The following CCSER1 variants were observed in gnomAD, a reference collection of about 807,000 sequenced individuals.
CCSER1 encodes serine-rich coiled-coil domain-containing protein 1.
Under a neutral mutation model 82.0 loss-of-function variants are expected in CCSER1, and 41 were observed. The observed-to-expected ratio is 0.50, with a 90% confidence interval of 0.39 to 0.65. The LOEUF (loss-of-function observed/expected upper bound fraction) is 0.65, where lower values mean the gene tolerates loss of function less well. Among genes scored for constraint, CCSER1 ranks in the 30% least tolerant of loss-of-function variants. The probability of loss-of-function intolerance (pLI) is 0.00; values close to 1 mark genes in which losing one functional copy is unlikely to be tolerated. For synonymous variants in CCSER1, 414 were observed against 383.9 expected, an observed-to-expected ratio of 1.08 and a Z score of -0.92; for missense variants, 1,119 against 1,064.2, an observed-to-expected ratio of 1.05 and a Z score of -0.72.
chr4:90,704,026 G>A (rs1050345862), intron 6 of CCSER1, among the ~76,000 whole-genome samples: 2 of 151,950 alleles, frequency 1.3e-5, no homozygotes, highest in African/African-American at 2.4e-5. Flanking sequence ...ATGATGTTAG[G>A]TGTTTATTTT....
At chr4:91,019,509 C>A (rs916182373) in intron 9 of CCSER1, among the ~76,000 whole-genome samples, 1 of 152,074 alleles carries the variant, frequency 6.6e-6, no homozygotes, top group Non-Finnish European at 1.5e-5. Context: ...ACATTATCAA[C>A]TTTGTGCTTG....
At chr4:90,213,881 G>A (rs1257328674) in intron 1 of CCSER1, among the ~76,000 whole-genome samples, 1 of 152,044 alleles carries the variant, frequency 6.6e-6, no homozygotes. Context: ...AATGAAAATT[G>A]GAGAAAACAG....
rs1033590478 is a variant in CCSER1, at chr4:90,635,856, C to T, written c.1932+7624C>T. 2.0e-5 allele frequency among the ~76,000 whole-genome samples: 3 copies of T among 151,762 alleles called. No homozygotes were observed. In the South Asian group the frequency reaches 6.2e-4, roughly 31 times the overall value. On this transcript the variant is annotated intron_variant, in intron 6 of 10. Coordinates refer to ENST00000509176, the MANE Select transcript of CCSER1 (RefSeq NM_001145065.2). Reference sequence around the variant, plus strand: ...ATTTAATCACTCCACATTGTATACACACATTCAGAGATCACATGCACCCAA... The same window carrying T: ...ATTTAATCACTCCACATTGTATACATACATTCAGAGATCACATGCACCCAA...
At chr4:90,650,659 C>G (rs1728590841) in intron 6 of CCSER1, among the ~76,000 whole-genome samples, 2 of 152,262 alleles carry the variant, frequency 1.3e-5, no homozygotes, top group African/African-American at 4.8e-5. Context: ...TTCTTGGTAT[C>G]AATTTTGCCT....
intron 10 of CCSER1, among the ~76,000 whole-genome samples, chr4:91,232,313 A>G (rs776732613): frequency 6.6e-6 from 1 of 151,902 alleles, no homozygotes; most frequent in Non-Finnish European, 1.5e-5. Context: ...GCGAAAGCTT[A>G]AAAACAATCT....
chr4:90,261,021 T>C (rs946063988), intron 1 of CCSER1, among the ~76,000 whole-genome samples: 1 of 152,196 alleles, frequency 6.6e-6, no homozygotes, highest in Non-Finnish European at 1.5e-5. Context: ...TGGCTAGGTG[T>C]TGGTTTTGTT....
intron 6 of CCSER1, among the ~76,000 whole-genome samples, chr4:90,708,491 G>C (rs778806392): frequency 6.6e-6 from 1 of 152,044 alleles, no homozygotes; most frequent in Non-Finnish European, 1.5e-5. Flanking sequence ...TTCTGGTACC[G>C]GGAATGAGGA....
chr4:91,004,380 A>G (rs1194275764), intron 9 of CCSER1, among the ~76,000 whole-genome samples: 1 of 152,206 alleles, frequency 6.6e-6, no homozygotes, highest in African/African-American at 2.4e-5. Context: ...ACATGAGATC[A>G]TTGCAACTCT....
At chr4:90,941,324 T>C (rs773038709) in intron 9 of CCSER1, among the ~76,000 whole-genome samples, 19 of 152,224 alleles carry the variant, frequency 1.2e-4, no homozygotes, top group African/African-American at 3.1e-4. Flanking sequence ...TTATTACATA[T>C]AGCTATGTTT....
intron 5 of CCSER1, among the ~76,000 whole-genome samples, chr4:90,520,744 A>G (rs879390503): frequency 6.6e-6 from 1 of 152,196 alleles, no homozygotes; most frequent in Non-Finnish European, 1.5e-5. Context: ...AGGAAGGAAG[A>G]AACATGTGAT....
chr4:91,032,302 A>G (rs577710815), intron 9 of CCSER1, among the ~76,000 whole-genome samples: 6 of 152,250 alleles, frequency 3.9e-5, no homozygotes, highest in Admixed American at 2.0e-4. Context: ...TGTCTAACCC[A>G]TCTACATTTT....
chr4:90,145,258 C>A (rs545442788), intron 1 of CCSER1, among the ~76,000 whole-genome samples: 2 of 152,134 alleles, frequency 1.3e-5, no homozygotes, highest in South Asian at 2.1e-4. Context: ...CAAAATACAT[C>A]ATTTTTTATG....
At chr4:91,400,747 C>A (rs938104753) in intron 10 of CCSER1, among the ~76,000 whole-genome samples, 5 of 151,404 alleles carry the variant, frequency 3.3e-5, no homozygotes, top group Non-Finnish European at 7.4e-5. Context: ...AAAGTATCAA[C>A]TGCTTGTAAA....
intron 1 of CCSER1, among the ~76,000 whole-genome samples, chr4:90,205,093 C>T (rs993788626): frequency 6.6e-6 from 1 of 152,170 alleles, no homozygotes; most frequent in Non-Finnish European, 1.5e-5. Context: ...AAATTTTGGG[C>T]TGAGATGATG....
At chr4:91,313,013 G>A (rs897453381) in intron 10 of CCSER1, among the ~76,000 whole-genome samples, 3 of 151,758 alleles carry the variant, frequency 2.0e-5, no homozygotes, top group African/African-American at 7.3e-5. Flanking sequence ...TTTAACATTT[G>A]AAAAATGTAT....
At chr4:91,152,185 T>G (rs1029464614) in intron 10 of CCSER1, among the ~76,000 whole-genome samples, 1 of 152,226 alleles carries the variant, frequency 6.6e-6, no homozygotes, top group Admixed American at 6.5e-5. Context: ...ATATTTAGGA[T>G]AGTTAGCTCT....
chr4:90,358,858 A>G (rs533553425), intron 3 of CCSER1, among the ~76,000 whole-genome samples: 1 of 152,348 alleles, frequency 6.6e-6, no homozygotes, highest in East Asian at 1.9e-4. Context: ...ATCAACAAAT[A>G]TTCATTCATT....
In CCSER1 at chr4:91,538,996, C is replaced by G. The variant is rs930261377; in HGVS notation, c.2218-59576C>G. Among the ~76,000 whole-genome samples, 6 of 152,076 alleles carry G rather than the reference C, an allele frequency of 3.9e-5. No homozygotes were observed. In the East Asian group the frequency reaches 1.2e-3, roughly 29 times the overall value. On this transcript the variant is annotated intron_variant, in intron 10 of 10. Transcript: ENST00000509176. ...TTGTTCTGTCAGCCCAGCTGAATGA[C>G]AGCAGATCAATTTTCTTTCTAAAGG...
intron 10 of CCSER1, among the ~76,000 whole-genome samples, chr4:91,355,706 T>C (rs1297686377): frequency 6.6e-6 from 1 of 152,142 alleles, no homozygotes; most frequent in African/African-American, 2.4e-5. Context: ...CCAGTCAGCT[T>C]CCGGGTGTGA....
Sources: allele counts gnomAD v4.1 joint callset (sites outside exome capture counted in the v4.1 genomes callset), GRCh38; gene constraint gnomAD v4.1.1; transcripts MANE v1.5; gene names NCBI Gene and HGNC (gene_info 2026-07-23, HGNC 2026-07-21).